Variants in DNAH6 observed in about 807,000 individuals in gnomAD.
DNAH6 encodes dynein axonemal heavy chain 6, also known as axonemal beta dynein heavy chain 6.
DNAH6 carries 340 observed loss-of-function variants against 491.4 expected under a neutral mutation model. The ratio of observed to expected loss-of-function variants is 0.69; its 90% CI spans 0.63 to 0.76. The LOEUF is 0.76. DNAH6 is among the 30% of genes least tolerant of loss of function. DNAH6 has a pLI of 0.00. For synonymous variants in DNAH6, 1,603 were observed against 1,686.1 expected (o/e 0.95, Z 1.21); for missense variants, 4,443 against 4,972.2 (o/e 0.89, Z 3.20).
At chr2:84,529,242 A>T (rs1676922099) in intron 4 of DNAH6, 76 bp downstream of exon 4, 5 of 1,077,314 alleles carry the variant, frequency 4.6e-6, no homozygotes, top group Non-Finnish European at 1.3e-6. Context: ...AATTGATTGG[A>T]TATTAATAAT....
chr2:84,567,186 T>C (rs1428119107), intron 11 of DNAH6, among the ~76,000 whole-genome samples: 3 of 152,116 alleles, frequency 2.0e-5, no homozygotes, highest in African/African-American at 7.2e-5. Context: ...AGAGAGAATC[T>C]ATTTGTATTA....
At chr2:84,679,993 C>T (rs180857837) in intron 41 of DNAH6, among the ~76,000 whole-genome samples, 1 of 152,198 alleles carries the variant, frequency 6.6e-6, no homozygotes, top group African/African-American at 2.4e-5. Context: ...CTTGTCTATT[C>T]TCCATCATAC....
intron 68 of DNAH6, among the ~76,000 whole-genome samples, chr2:84,791,065 C>G (rs1677686468): frequency 6.6e-6 from 1 of 151,870 alleles, no homozygotes; most frequent in Non-Finnish European, 1.5e-5. Context: ...TAGTGCACAC[C>G]TGTAATCCCA....
Position 84,805,803 on chromosome 2 carries a change from TA to T in DNAH6, c.11611+11del. ...CCAGACCAGAGTTCCAGGTAATAAA[TA>T]ATTCTAGGAATCTGTATGTAATGGG... On this transcript the variant is annotated intron_variant, in intron 71 of 76. Coordinates refer to ENST00000389394, the MANE Select transcript of DNAH6 (RefSeq NM_001370.2). The T allele has an allele frequency of 1.9e-6, 3 of 1,547,610 alleles. No individual in the cohort carries two copies. The highest frequency in any genetic ancestry group is 2.6e-6 in the Non-Finnish European group (3 of 1,145,548).
chr2:84,808,131 ATGTGTGTGTGTGTGTGTGTGTG>A (rs35839006), intron 71 of DNAH6, among the ~76,000 whole-genome samples: 1 of 141,152 alleles, frequency 7.1e-6, no homozygotes, highest in Non-Finnish European at 1.5e-5. Flanking sequence ...GTGTATATAT[ATGTGTGTGTGTGTGTGTGTGTG>A]TGTGTGTGTG....
chr2:84,788,700 CG>C (rs1341070009), intron 68 of DNAH6, among the ~76,000 whole-genome samples: 1 of 152,064 alleles, frequency 6.6e-6, no homozygotes, highest in Non-Finnish European at 1.5e-5. Flanking sequence ...TTTATCAGGT[CG>C]ATTTATTTTT....
At chr2:84,475,890 T>C in the DNAH6 span, among the ~76,000 whole-genome samples, 1 of 152,182 alleles carries the variant, frequency 6.6e-6, no homozygotes, top group African/African-American at 2.4e-5. Flanking sequence ...CTCATGCCCA[T>C]AAGCACACAG....
intron 2 of DNAH6, among the ~76,000 whole-genome samples, chr2:84,523,939 A>G (rs1573495108): frequency 6.6e-6 from 1 of 152,066 alleles, no homozygotes; most frequent in East Asian, 1.9e-4. Flanking sequence ...TGGGGTGGAG[A>G]GTTCTGTAGA....
At chr2:84,586,020 A>G (rs1235048636) in intron 15 of DNAH6, among the ~76,000 whole-genome samples, 4 of 152,166 alleles carry the variant, frequency 2.6e-5, no homozygotes, top group Non-Finnish European at 4.4e-5. Flanking sequence ...TCATGGCACC[A>G]GGGTTGGGCC....
At chr2:84,633,260 T>C (rs1194313770) in intron 29 of DNAH6, among the ~76,000 whole-genome samples, 1 of 152,196 alleles carries the variant, frequency 6.6e-6, no homozygotes, top group Non-Finnish European at 1.5e-5. Flanking sequence ...TTGTCTCTGC[T>C]TTCCTTATCT....
intron 41 of DNAH6, among the ~76,000 whole-genome samples, chr2:84,680,860 T>G (rs1693715108): frequency 6.6e-6 from 1 of 152,056 alleles, no homozygotes; most frequent in Non-Finnish European, 1.5e-5. Context: ...ATAAAGAGAC[T>G]TCCAAGCTCC....
At chr2:84,485,621 C>G in the DNAH6 span, among the ~76,000 whole-genome samples, 5 of 152,172 alleles carry the variant, frequency 3.3e-5, no homozygotes, top group Non-Finnish European at 7.4e-5. Context: ...TGTAAACATC[C>G]TTTCTGCTCG....
chr2:84,686,368 G>C lies in DNAH6; in HGVS notation c.7064-116G>C, dbSNP rs1368427888. 4 of 623,844 alleles carry C rather than the reference G, an allele frequency of 6.4e-6. No individual in the cohort carries two copies. The East Asian group carries it at 1.2e-4, about 19-fold the overall frequency. The allele number at this position is 623,844 out of a possible 1,614,324, so 38.6% of individuals were successfully genotyped here. A position where few individuals can be genotyped will look rare whatever the true frequency, so the allele number is the denominator to read the frequency against. On this transcript the variant is annotated intron_variant, in intron 43 of 76. Transcript: ENST00000389394. ...AACACAGTATTCTCTCAGTTTTTATGTATATTAATTAAGTCTTCTAAGTAA... is the reference window on the plus strand; with the variant it reads ...AACACAGTATTCTCTCAGTTTTTATCTATATTAATTAAGTCTTCTAAGTAA...
rs946506631 is a variant in DNAH6 at position 84,636,110 on chromosome 2, C to T, written c.4654-1100C>T. 2.6e-5 allele frequency among the ~76,000 whole-genome samples: 4 copies of T among 152,300 alleles called. 1 individual carries two copies. Among genetic ancestry groups the T allele is most frequent in the Admixed American group, 2.0e-4 (3 of 15,300 alleles). ...GATCATTCCTTACTGGTCTCCCTGT[C>T]TGTAGCCTGTCCAACCTCTCTGCTG... On this transcript the variant is annotated intron_variant, in intron 30 of 76. Coordinates refer to ENST00000389394, the MANE Select transcript of DNAH6 (RefSeq NM_001370.2).
chr2:84,815,880 G>A lies in DNAH6; in HGVS notation c.12170G>A (p.Gly4057Asp), dbSNP rs1483579188. The stretch of plus-strand genomic sequence containing the variant: ...TTTCAGTTGCCCTCTCCTGAGGATG[G>A]TGTTCTTGTTCATGGGATGTTCATG... ...MDMELPSPEDGVLVHGMFMDA... is the reference protein window; with the variant it reads ...MDMELPSPEDDVLVHGMFMDA... Residue 4057 changes from glycine (G) to aspartate (D), a missense_variant, in exon 76 of 77, where the codon GGT (glycine) becomes GAT (aspartate). Coordinates refer to ENST00000389394, the MANE Select transcript of DNAH6 (RefSeq NM_001370.2). The A allele has an allele frequency of 3.2e-6, 5 of 1,551,408 alleles. No homozygotes were observed. The highest frequency in any genetic ancestry group is 4.4e-6 in the Non-Finnish European group (5 of 1,146,832).
At chr2:84,813,874 C>G (rs1369794446) in intron 74 of DNAH6, 97 bp from the exon 75 acceptor site, 2 of 1,299,452 alleles carry the variant, frequency 1.5e-6, no homozygotes, top group East Asian at 5.1e-5. Context: ...TGGGAAGGCT[C>G]TCTAATGCCA....
rs1020089683 is a variant in DNAH6 at position 84,685,199 on chromosome 2, T to C, written c.6917-127T>C. On this transcript the variant is annotated intron_variant, in intron 42 of 76. Coordinates refer to ENST00000389394, the MANE Select transcript of DNAH6 (RefSeq NM_001370.2). ...ACTATTAGTATATGTGTATATCCAC[T>C]GGGGAAGCAGTCATTTTTGGCAATA... is the stretch of plus-strand genomic sequence containing the variant. 5.2e-6 allele frequency: 3 copies of C among 581,918 alleles called. No individual in the cohort carries two copies. The South Asian group carries it at 1.4e-4, about 27-fold the overall frequency. The allele number at this position is 581,918 out of a possible 1,614,324, so 36.0% of individuals were successfully genotyped here. A position where few individuals can be genotyped will look rare whatever the true frequency, so the allele number is the denominator to read the frequency against.
Position 84,610,190 on chromosome 2 carries a change from A to C in DNAH6, c.3295-1484A>C, listed in dbSNP as rs140332814. On this transcript the variant is annotated intron_variant, in intron 21 of 76. Coordinates refer to ENST00000389394, the MANE Select transcript of DNAH6 (RefSeq NM_001370.2). ...TGGCACTCAGCTAGAGGCCATCCTC[A>C]GCTCCTAGATGTTGCCAACAGCTTT... 2.0e-3 allele frequency among the ~76,000 whole-genome samples: 299 copies of C among 152,286 alleles called. 1 individual carries two copies. The highest frequency in any genetic ancestry group is 3.2e-3 in the Non-Finnish European group (216 of 68,012).
At chr2:84,687,895 G>T (rs1398642490) in intron 44 of DNAH6, among the ~76,000 whole-genome samples, 1 of 152,164 alleles carries the variant, frequency 6.6e-6, no homozygotes, top group African/African-American at 2.4e-5. Flanking sequence ...GCCATGCATA[G>T]TTTTTAACCA....
Sources: gnomAD v4.1 joint callset for allele counts (sites outside exome capture counted in the v4.1 genomes callset) on GRCh38, gnomAD v4.1.1 for gene constraint, MANE v1.5 for transcripts, NCBI Gene and HGNC (gene_info 2026-07-23, HGNC 2026-07-21) for gene names.